The following CDH12 variants were observed in gnomAD, a reference collection of about 807,000 sequenced individuals.
CDH12 encodes cadherin 12.
A neutral mutation model predicts 74.1 loss-of-function variants in CDH12; 41 were observed. That is an observed-to-expected ratio of 0.55 (90% CI 0.43 to 0.72). The LOEUF is 0.72. CDH12 is among the 30% of genes least tolerant of loss of function. The pLI is 0.00. For missense variants in CDH12, 945 were observed against 977.2 expected (o/e 0.97, Z 0.44); for synonymous variants, 399 against 355.0 (o/e 1.12, Z -1.39).
intron 1 of CDH12, among the ~76,000 whole-genome samples, chr5:22,581,836 TTTAACTTTTC>T (rs1353106101): frequency 2.6e-5 from 4 of 152,154 alleles, no homozygotes; most frequent in Non-Finnish European, 4.4e-5. Context: ...TGACCACATT[TTTAACTTTTC>T]TTACCAAATC....
At position 21,870,002 on chromosome 5, in the gene CDH12, G is replaced by T. The variant is rs1485211769; in HGVS notation, c.527-15212C>A. On this transcript the variant is annotated intron_variant, in intron 6 of 14. Transcript: ENST00000382254. ...TTATGGGGGCAGTTTCTCCCATAAT[G>T]TTCTTCTGGTGGTAAATGAGTCCAC... Among the ~76,000 whole-genome samples the T allele has an allele frequency of 5.3e-5, 8 of 152,134 alleles. No homozygotes were observed. The East Asian group carries it at 1.4e-3, about 26-fold the overall frequency.
intron 1 of CDH12, among the ~76,000 whole-genome samples, chr5:22,762,680 G>C (rs890396792): frequency 2.6e-5 from 4 of 151,966 alleles, no homozygotes; most frequent in Non-Finnish European, 5.9e-5. Context: ...ATTCTTTTCT[G>C]GGAAGATAAG....
intron 7 of CDH12, among the ~76,000 whole-genome samples, chr5:21,852,872 G>A (rs1198738415): frequency 6.6e-6 from 1 of 150,972 alleles, no homozygotes; most frequent in Non-Finnish European, 1.5e-5. Flanking sequence ...TCCATTTCTG[G>A]TCAGATTACC....
intron 6 of CDH12, among the ~76,000 whole-genome samples, chr5:21,960,705 ACACATACACACACG>A (rs1197249826): frequency 1.3e-5 from 2 of 151,942 alleles, no homozygotes; most frequent in Non-Finnish European, 2.9e-5. Context: ...ACTTATACAC[ACACATACACACACG>A]CACATACACA....
chr5:21,897,945 C>T lies in CDH12; in HGVS notation c.527-43155G>A, dbSNP rs114932640. On this transcript the variant is annotated intron_variant, in intron 6 of 14. Transcript: ENST00000382254. Reference sequence around the variant, plus strand: ...TAAAGCAAATGGAATAGGTTATATGCCATTTAATGTTCTGATATTTTTATT... The same window carrying T: ...TAAAGCAAATGGAATAGGTTATATGTCATTTAATGTTCTGATATTTTTATT... Among the ~76,000 whole-genome samples, 1,153 of 151,880 alleles carry T rather than the reference C, an allele frequency of 7.6e-3. 19 individuals carry two copies. Among genetic ancestry groups the T allele is most frequent in the African/African-American group, 0.026 (1,088 of 41,310 alleles).
chr5:22,316,716 AAAC>A (rs1738647308), intron 3 of CDH12, among the ~76,000 whole-genome samples: 1 of 152,158 alleles, frequency 6.6e-6, no homozygotes, highest in African/African-American at 2.4e-5. Context: ...TACATAATAA[AAAC>A]AAAATAATAA....
chr5:22,847,472 T>C (rs1737359729), intron 1 of CDH12, among the ~76,000 whole-genome samples: 2 of 152,192 alleles, frequency 1.3e-5, no homozygotes, highest in Admixed American at 1.3e-4. Flanking sequence ...TCAGAAATCG[T>C]CTTAAATACA....
At chr5:22,758,290 G>C (rs1395268102) in intron 1 of CDH12, among the ~76,000 whole-genome samples, 1 of 152,174 alleles carries the variant, frequency 6.6e-6, no homozygotes, top group African/African-American at 2.4e-5. Flanking sequence ...AAATAAAAGA[G>C]ATTGTTTCTA....
intron 2 of CDH12, among the ~76,000 whole-genome samples, chr5:22,416,416 A>G (rs1203447742): frequency 6.6e-6 from 1 of 152,178 alleles, no homozygotes; most frequent in Non-Finnish European, 1.5e-5. Flanking sequence ...TATGATAAAA[A>G]GTGCCAGTGG....
intron 3 of CDH12, among the ~76,000 whole-genome samples, chr5:22,390,086 C>T (rs1295777254): frequency 6.6e-6 from 1 of 151,792 alleles, no homozygotes; most frequent in Non-Finnish European, 1.5e-5. Context: ...ATTCTAGCAT[C>T]CTTGAAGACA....
intron 1 of CDH12, among the ~76,000 whole-genome samples, chr5:22,743,624 T>C (rs1243261083): frequency 6.6e-6 from 1 of 152,170 alleles, no homozygotes; most frequent in Non-Finnish European, 1.5e-5. Flanking sequence ...TTACTGATCA[T>C]TTTACTTATA....
intron 1 of CDH12, among the ~76,000 whole-genome samples, chr5:22,824,734 A>G (rs889162249): frequency 2.0e-5 from 3 of 151,862 alleles, no homozygotes; most frequent in Non-Finnish European, 1.5e-5. Flanking sequence ...AAATTACAAA[A>G]TAAGATAGAG....
intron 2 of CDH12, among the ~76,000 whole-genome samples, chr5:22,416,557 A>C (rs1334586294): frequency 1.3e-5 from 2 of 152,238 alleles, no homozygotes; most frequent in Non-Finnish European, 2.9e-5. Flanking sequence ...CTCAGGTTAA[A>C]GATCAAATCA....
chr5:22,830,254 AG>A (rs980894593), intron 1 of CDH12, among the ~76,000 whole-genome samples: 2 of 152,142 alleles, frequency 1.3e-5, no homozygotes, highest in African/African-American at 4.8e-5. Flanking sequence ...GTTTAAGAAA[AG>A]TTTTGTTTAA....
intron 6 of CDH12, among the ~76,000 whole-genome samples, chr5:21,894,382 G>GAA (rs376989106): frequency 0.015 from 1,105 of 73,412 alleles, 26 homozygotes; most frequent in African/African-American, 0.044. Context: ...CCGTCTCAAA[G>GAA]AAAAAAAAAA....
At chr5:21,934,277 C>T (rs550282820) in intron 6 of CDH12, among the ~76,000 whole-genome samples, 2 of 152,208 alleles carry the variant, frequency 1.3e-5, no homozygotes, top group African/African-American at 4.8e-5. Context: ...AGCACCATCC[C>T]CCTTTGGTAA....
chr5:22,683,725 A>G (rs7707354), intron 1 of CDH12, among the ~76,000 whole-genome samples: 83,458 of 151,966 alleles, frequency 0.55, 23,119 homozygotes, highest in Non-Finnish European at 0.57. Flanking sequence ...CTTGTAATGA[A>G]ACTTGGGCAA....
chr5:21,829,495 G>A (rs968074091), intron 8 of CDH12, among the ~76,000 whole-genome samples: 1 of 152,070 alleles, frequency 6.6e-6, no homozygotes, highest in African/African-American at 2.4e-5. Context: ...TCTGTTATTT[G>A]TTAACAAAAT....
chr5:22,402,318 CT>C (rs1166810350), intron 3 of CDH12, among the ~76,000 whole-genome samples: 6 of 152,144 alleles, frequency 3.9e-5, no homozygotes, highest in African/African-American at 1.4e-4. Flanking sequence ...AGAACACATA[CT>C]TTTTTGAATA....
Sources: allele counts gnomAD v4.1 joint callset (sites outside exome capture counted in the v4.1 genomes callset), GRCh38; gene constraint gnomAD v4.1.1; transcripts MANE v1.5; gene names NCBI Gene and HGNC (gene_info 2026-07-23, HGNC 2026-07-21).